NINL: variants seen among roughly 807,000 people sequenced by gnomAD.
NINL encodes ninein-like protein.
Under a neutral mutation model 160.3 loss-of-function variants are expected in NINL, and 153 were observed. The ratio of observed to expected loss-of-function variants is 0.95; its 90% CI spans 0.84 to 1.09. The LOEUF is 1.09. Among genes scored for constraint, NINL ranks in the 50% least tolerant of loss-of-function variants. NINL has a pLI of 0.00. For synonymous variants in NINL, 800 were observed against 734.8 expected, an observed-to-expected ratio of 1.09 and a Z score of -1.43; for missense variants, 1,829 against 1,764.0, an observed-to-expected ratio of 1.04 and a Z score of -0.66.
At chr20:25,514,582 A>C (rs1011085033) in intron 3 of NINL, among the ~76,000 whole-genome samples, 1 of 152,222 alleles carries the variant, frequency 6.6e-6, no homozygotes, top group South Asian at 2.1e-4. Context: ...CCGGATGTTA[A>C]TATCTAAGAC....
chr20:25,584,337 G>A (rs2147221551), intron 1 of NINL, among the ~76,000 whole-genome samples: 1 of 152,218 alleles, frequency 6.6e-6, no homozygotes, highest in East Asian at 1.9e-4. Context: ...AGCTGGGCGT[G>A]TAATCCCAGC....
At chr20:25,550,148 C>CTG (rs1346383600) in intron 1 of NINL, among the ~76,000 whole-genome samples, 2 of 152,192 alleles carry the variant, frequency 1.3e-5, no homozygotes, top group African/African-American at 4.8e-5. Flanking sequence ...TGGGAAGCTG[C>CTG]TGTAGGAAGA....
intron 1 of NINL, among the ~76,000 whole-genome samples, chr20:25,562,840 T>C (rs1297701210): frequency 6.6e-6 from 1 of 150,594 alleles, no homozygotes; most frequent in Non-Finnish European, 1.5e-5. Context: ...GAGGGAAAAC[T>C]GGAGTTTCAG....
intron 1 of NINL, among the ~76,000 whole-genome samples, chr20:25,571,670 C>A (rs1442703774): frequency 6.6e-6 from 1 of 151,904 alleles, no homozygotes; most frequent in Non-Finnish European, 1.5e-5. Context: ...GAATTTCAGA[C>A]CAGTGTGGCC....
chr20:25,550,801 A>C (rs577920803), intron 1 of NINL, among the ~76,000 whole-genome samples: 107 of 152,324 alleles, frequency 7.0e-4, no homozygotes, highest in African/African-American at 2.4e-3. Context: ...ATCAGGTTTT[A>C]CACTGAGACA....
At chr20:25,582,503 C>A (rs1364021897) in intron 1 of NINL, among the ~76,000 whole-genome samples, 1 of 152,104 alleles carries the variant, frequency 6.6e-6, no homozygotes, top group African/African-American at 2.4e-5. Flanking sequence ...AGTCCAAGTT[C>A]CTTGGAGAAG....
chr20:25,545,699 C>A lies in NINL; in HGVS notation c.-11-19101G>T, dbSNP rs371508933. 1.8e-4 allele frequency among the ~76,000 whole-genome samples: 27 copies of A among 152,308 alleles called. No individual in the cohort carries two copies. The South Asian group carries it at 1.9e-3, about 11-fold the overall frequency. ...CAATAAGATACCAGCTTGACTCTAG[C>A]ACAGCATCATAAGACAGATAGCAAG... On this transcript the variant is annotated intron_variant, in intron 1 of 23. Coordinates refer to ENST00000278886, the MANE Select transcript of NINL (RefSeq NM_025176.6).
At chr20:25,486,266 G>C (rs1456099970) in intron 13 of NINL, among the ~76,000 whole-genome samples, 1 of 152,152 alleles carries the variant, frequency 6.6e-6, no homozygotes, top group Non-Finnish European at 1.5e-5. Context: ...AAAAAGGAAA[G>C]GGGAAATATC....
intron 1 of NINL, among the ~76,000 whole-genome samples, chr20:25,556,255 G>T (rs2064865198): frequency 6.6e-6 from 1 of 151,948 alleles, no homozygotes; most frequent in Non-Finnish European, 1.5e-5. Context: ...CTGCACTCTA[G>T]CCTGGGTGAC....
chr20:25,501,075 G>C, intron 7 of NINL, 65 bp from the exon 8 acceptor site: 1 of 1,544,582 alleles, frequency 6.5e-7, no homozygotes, highest in Non-Finnish European at 8.7e-7. Context: ...TGCTGCTGAT[G>C]TGCTCTCCAC....
chr20:25,493,210 T>C (rs1400521843), intron 10 of NINL, among the ~76,000 whole-genome samples: 1 of 152,100 alleles, frequency 6.6e-6, no homozygotes. Context: ...TCAACTTACT[T>C]CCAGCTTTGA....
At chr20:25,562,086 C>T (rs1289081120) in intron 1 of NINL, among the ~76,000 whole-genome samples, 27 of 143,348 alleles carry the variant, frequency 1.9e-4, no homozygotes, top group Non-Finnish European at 3.5e-4. Flanking sequence ...GGGGGTCAGC[C>T]CCCCGCCCAG....
chr20:25,584,662 T>C (rs2065207999), intron 1 of NINL, among the ~76,000 whole-genome samples: 1 of 152,220 alleles, frequency 6.6e-6, no homozygotes, highest in Non-Finnish European at 1.5e-5. Context: ...GGTCTCTTCC[T>C]GAACCTCCTC....
chr20:25,570,707 T>TC (rs2065044712), intron 1 of NINL, among the ~76,000 whole-genome samples: 1 of 140,376 alleles, frequency 7.1e-6, no homozygotes, highest in Non-Finnish European at 1.5e-5. Context: ...TTTTTTTTTT[T>TC]TTTTTTTTTT....
chr20:25,549,403 G>A (rs2064780072), intron 1 of NINL, among the ~76,000 whole-genome samples: 2 of 151,404 alleles, frequency 1.3e-5, no homozygotes, highest in Non-Finnish European at 3.0e-5. Flanking sequence ...GCCTCACCCA[G>A]GGCTGGCCCC....
intron 23 of NINL, among the ~76,000 whole-genome samples, chr20:25,454,619 T>C (rs772863930): frequency 2.0e-5 from 3 of 152,180 alleles, no homozygotes; most frequent in South Asian, 2.1e-4. Flanking sequence ...TGGATCACGA[T>C]GGAGCAAAAA....
chr20:25,499,152 C>T (rs2063817771), intron 8 of NINL: 2 of 985,438 alleles, frequency 2.0e-6, no homozygotes, highest in African/African-American at 1.7e-5. Flanking sequence ...TGACTTTCCA[C>T]ACTGCCCACT....
intron 3 of NINL, 97 bp from the exon 4 acceptor site, chr20:25,513,103 C>T (rs1336310839): frequency 2.5e-5 from 31 of 1,249,220 alleles, no homozygotes; most frequent in Non-Finnish European, 3.2e-5. Flanking sequence ...ACACTCAGCA[C>T]CGAGTGTGCC....
chr20:25,525,586 G>C (rs1027717870), intron 2 of NINL, among the ~76,000 whole-genome samples: 1 of 152,160 alleles, frequency 6.6e-6, no homozygotes, highest in Non-Finnish European at 1.5e-5. Context: ...TCTGGGAGTT[G>C]AAGGTTGCAG....
Sources: gnomAD v4.1 joint callset for allele counts (sites outside exome capture counted in the v4.1 genomes callset) on GRCh38, gnomAD v4.1.1 for gene constraint, MANE v1.5 for transcripts, NCBI Gene and HGNC (gene_info 2026-07-23, HGNC 2026-07-21) for gene names.